Variants in LRMDA observed in about 807,000 individuals in gnomAD.
LRMDA encodes leucine rich melanocyte differentiation associated, also known as leucine-rich melanocyte differentiation-associated protein.
LRMDA carries 18 observed loss-of-function variants against 29.8 expected under a neutral mutation model. The observed-to-expected ratio is 0.60, with a 90% CI of 0.42 to 0.90. The LOEUF (loss-of-function observed/expected upper bound fraction) is 0.90, where lower values mean the gene tolerates loss of function less well. LRMDA is among the 40% of genes least tolerant of loss of function. LRMDA has a pLI of 0.00. For missense variants in LRMDA, 273 were observed against 273.9 expected (o/e 1.00, Z 0.02); for synonymous variants, 125 against 109.4 (o/e 1.14, Z -0.89).
chr10:75,884,438 A>T (rs1021207548), intron 2 of LRMDA, among the ~76,000 whole-genome samples: 2 of 152,192 alleles, frequency 1.3e-5, no homozygotes, highest in Non-Finnish European at 2.9e-5. Context: ...TGAATTATAG[A>T]CAAGGAGGAG....
At chr10:75,500,603 G>A (rs779334962) in intron 2 of LRMDA, among the ~76,000 whole-genome samples, 14 of 152,134 alleles carry the variant, frequency 9.2e-5, no homozygotes, top group Non-Finnish European at 1.6e-4. Flanking sequence ...CCTGAGACTG[G>A]GTAATTTATA....
At chr10:75,591,441 CAGAGGTGGG>C (rs1840723371) in intron 2 of LRMDA, among the ~76,000 whole-genome samples, 1 of 152,182 alleles carries the variant, frequency 6.6e-6, no homozygotes, top group Non-Finnish European at 1.5e-5. Context: ...TATCTGGTGG[CAGAGGTGGG>C]TCTTAAGTCC....
chr10:76,471,178 G>A (rs888650396), intron 6 of LRMDA, among the ~76,000 whole-genome samples: 3 of 151,440 alleles, frequency 2.0e-5, no homozygotes, highest in Non-Finnish European at 3.0e-5. Context: ...CAAGCTCTAT[G>A]AATATATGCT....
chr10:76,321,545 T>A (rs1005521987), intron 5 of LRMDA, among the ~76,000 whole-genome samples: 5 of 147,278 alleles, frequency 3.4e-5, no homozygotes, highest in African/African-American at 7.8e-5. Flanking sequence ...TTTTTTTTTT[T>A]AAATTTGGAT....
rs181111933 is a variant in LRMDA, at chr10:76,336,971, G to A, written c.601+12486G>A. 3.9e-3 allele frequency among the ~76,000 whole-genome samples: 596 copies of A among 151,794 alleles called. 3 individuals are homozygous for A. The highest frequency in any genetic ancestry group is 0.014 in the African/African-American group (576 of 41,368). On this transcript the variant is annotated intron_variant, in intron 6 of 6. Coordinates refer to ENST00000611255, the MANE Select transcript of LRMDA (RefSeq NM_001305581.2). ...CCCCTTTTTTTAATCTGCCTCCTTG[G>A]AAACTCTCTGGAACTTTTATTTCAT...
rs151115098 is a variant in LRMDA, at chr10:75,586,630, G to A, written c.131+148136G>A. 1.4e-3 allele frequency among the ~76,000 whole-genome samples: 206 copies of A among 152,174 alleles called. 2 individuals carry two copies. The South Asian group carries it at 0.016, about 12-fold the overall frequency. On this transcript the variant is annotated intron_variant, in intron 2 of 6. Coordinates refer to ENST00000611255, the MANE Select transcript of LRMDA (RefSeq NM_001305581.2). ...GCTGGGAGTACAGACATGAGGCACT[G>A]TGTCTGGCCTGTCTTTTGTTTTTTT...
intron 2 of LRMDA, among the ~76,000 whole-genome samples, chr10:75,522,252 T>C (rs886869673): frequency 1.3e-5 from 2 of 152,166 alleles, no homozygotes; most frequent in Admixed American, 1.3e-4. Flanking sequence ...CTTATACTCA[T>C]TGAGGTCATG....
chr10:76,404,171 G>A (rs1038217095), intron 6 of LRMDA, among the ~76,000 whole-genome samples: 1 of 152,142 alleles, frequency 6.6e-6, no homozygotes, highest in African/African-American at 2.4e-5. Context: ...CACATAGCAC[G>A]AGATAATTCT....
chr10:75,816,088 G>C, intron 2 of LRMDA, among the ~76,000 whole-genome samples: 1 of 152,202 alleles, frequency 6.6e-6, no homozygotes, highest in Admixed American at 6.5e-5. Context: ...ATCATTGGAG[G>C]AGGTACCGGT....
chr10:76,407,715 C>G (rs910245179), intron 6 of LRMDA, among the ~76,000 whole-genome samples: 2 of 152,128 alleles, frequency 1.3e-5, no homozygotes, highest in African/African-American at 2.4e-5. Flanking sequence ...ATCCTTAAAT[C>G]CTAGGTTATT....
intron 2 of LRMDA, among the ~76,000 whole-genome samples, chr10:75,480,588 G>A (rs555486879): frequency 6.6e-6 from 1 of 152,374 alleles, no homozygotes; most frequent in African/African-American, 2.4e-5. Flanking sequence ...AAACAGGGAA[G>A]GCAGAGGCCA....
intron 6 of LRMDA, among the ~76,000 whole-genome samples, chr10:76,446,404 T>A (rs1214332812): frequency 6.6e-6 from 1 of 152,194 alleles, no homozygotes; most frequent in Non-Finnish European, 1.5e-5. Context: ...ATTGAAAATA[T>A]TTGAAAAATA....
intron 2 of LRMDA, among the ~76,000 whole-genome samples, chr10:75,904,695 A>C (rs1845729816): frequency 6.6e-6 from 1 of 152,170 alleles, no homozygotes; most frequent in African/African-American, 2.4e-5. Flanking sequence ...CCAAGATTTT[A>C]ATCAGCGCTC....
chr10:75,939,830 G>A (rs757576813), intron 2 of LRMDA, among the ~76,000 whole-genome samples: 1 of 152,114 alleles, frequency 6.6e-6, no homozygotes, highest in Non-Finnish European at 1.5e-5. Flanking sequence ...TGTGCACACT[G>A]CCCAGCCAAA....
chr10:75,481,710 G>A (rs1844857496), intron 2 of LRMDA, among the ~76,000 whole-genome samples: 1 of 152,260 alleles, frequency 6.6e-6, no homozygotes, highest in South Asian at 2.1e-4. Flanking sequence ...ATGCTGTTAG[G>A]ATGAAGGCAA....
At chr10:75,715,406 C>A (rs887337208) in intron 2 of LRMDA, among the ~76,000 whole-genome samples, 1 of 151,996 alleles carries the variant, frequency 6.6e-6, no homozygotes, top group Non-Finnish European at 1.5e-5. Flanking sequence ...GTATTCCTAC[C>A]AGAAGGTCCC....
chr10:75,865,183 A>C lies in LRMDA; in HGVS notation c.132-170825A>C, dbSNP rs1292048240. Among the ~76,000 whole-genome samples, 4 of 152,326 alleles carry C rather than the reference A, an allele frequency of 2.6e-5. No homozygotes were observed. In the East Asian group the frequency reaches 7.7e-4, roughly 29 times the overall value. On this transcript the variant is annotated intron_variant, in intron 2 of 6. Coordinates refer to ENST00000611255, the MANE Select transcript of LRMDA (RefSeq NM_001305581.2). ...CTGGGTGAAATAAGTCATACACAAG[A>C]GTATTTACTGTATGATTCCATTTAC...
intron 2 of LRMDA, among the ~76,000 whole-genome samples, chr10:75,632,782 G>GTTTTGT (rs1841341077): frequency 2.3e-5 from 1 of 43,256 alleles, no homozygotes; most frequent in African/African-American, 8.5e-5. Context: ...GTTTAGTTTA[G>GTTTTGT]TTTTTTTTTT....
At chr10:75,524,417 TA>T (rs1165092570) in intron 2 of LRMDA, among the ~76,000 whole-genome samples, 1 of 152,174 alleles carries the variant, frequency 6.6e-6, no homozygotes, top group Non-Finnish European at 1.5e-5. Flanking sequence ...GGGGGACCAA[TA>T]AACCTGTAAT....
Sources: allele counts gnomAD v4.1 joint callset (sites outside exome capture counted in the v4.1 genomes callset), GRCh38; gene constraint gnomAD v4.1.1; transcripts MANE v1.5; gene names NCBI Gene and HGNC (gene_info 2026-07-23, HGNC 2026-07-21).